The following LRMDA variants were observed in gnomAD, a reference collection of about 807,000 sequenced individuals.
LRMDA encodes the protein leucine-rich melanocyte differentiation-associated protein.
LRMDA carries 18 observed loss-of-function variants against 29.8 expected under a neutral mutation model. The ratio of observed to expected loss-of-function variants is 0.60; its 90% CI spans 0.42 to 0.90. LRMDA has a LOEUF of 0.90. LRMDA is among the 40% of genes least tolerant of loss of function. The pLI, the probability that LRMDA is intolerant of heterozygous loss-of-function variation, is 0.00. For synonymous variants in LRMDA, 125 were observed against 109.4 expected, an observed-to-expected ratio of 1.14 and a Z score of -0.89; for missense variants, 273 against 273.9, an observed-to-expected ratio of 1.00 and a Z score of 0.02.
chr10:75,495,238 CCTT>C (rs1485806215), intron 2 of LRMDA, among the ~76,000 whole-genome samples: 1 of 152,094 alleles, frequency 6.6e-6, no homozygotes, highest in Non-Finnish European at 1.5e-5. Flanking sequence ...CTTTCTGTCT[CCTT>C]CTCCCTCTCT....
chr10:75,709,388 CTGTGTGTGTGCA>C (rs1166875326), intron 2 of LRMDA, among the ~76,000 whole-genome samples: 5 of 150,324 alleles, frequency 3.3e-5, no homozygotes, highest in South Asian at 2.1e-4. Context: ...GTATGTGTGC[CTGTGTGTGTGCA>C]TGTGTGTGTG....
chr10:76,465,271 A>G (rs1842553137), intron 6 of LRMDA, among the ~76,000 whole-genome samples: 1 of 152,164 alleles, frequency 6.6e-6, no homozygotes, highest in African/African-American at 2.4e-5. Flanking sequence ...CAAGAAATAA[A>G]AGATTCATTA....
Position 75,431,731 on chromosome 10 carries a change from G to C in LRMDA, c.7G>C (p.Gly3Arg). The stretch of plus-strand genomic sequence containing the variant: ...CCGCAGCGTCCTGGCCGCCATGGCC[G>C]GGCTCGTGGTGCGTGGAACTCAAGT... MA[G>R]LVVRGTQVSY... The change falls in exon 1 of 7, where the codon GGG becomes CGG. Residue 3 changes from glycine (G) to arginine (R), a missense_variant. Physicochemically the swap from Gly to Arg is moderately radical, Grantham distance 125. Coordinates refer to ENST00000611255, the MANE Select transcript of LRMDA (RefSeq NM_001305581.2). 1 of 1,359,352 alleles carries C rather than the reference G, an allele frequency of 7.4e-7. No individual in the cohort carries two copies. The highest frequency in any genetic ancestry group is 9.5e-7 in the Non-Finnish European group (1 of 1,051,956). 84.2% of individuals were successfully genotyped at this position (1,359,352 alleles called of 1,614,324 possible).
chr10:75,491,575 AT>A (rs1844987813), intron 2 of LRMDA, among the ~76,000 whole-genome samples: 1 of 152,200 alleles, frequency 6.6e-6, no homozygotes, highest in Non-Finnish European at 1.5e-5. Context: ...CATAAAGAAA[AT>A]CACAAGGGCC....
At chr10:75,677,274 A>G (rs1439709918) in intron 2 of LRMDA, among the ~76,000 whole-genome samples, 3 of 152,218 alleles carry the variant, frequency 2.0e-5, no homozygotes, top group African/African-American at 4.8e-5. Flanking sequence ...GAGATATCCC[A>G]GAAGAGTTAC....
intron 2 of LRMDA, among the ~76,000 whole-genome samples, chr10:75,677,765 G>A (rs1485461615): frequency 1.3e-5 from 2 of 152,040 alleles, no homozygotes; most frequent in Non-Finnish European, 2.9e-5. Flanking sequence ...CTTATATTGA[G>A]GCCAACTATG....
chr10:75,747,454 A>G (rs1842903115), intron 2 of LRMDA, among the ~76,000 whole-genome samples: 1 of 152,238 alleles, frequency 6.6e-6, no homozygotes, highest in Non-Finnish European at 1.5e-5. Context: ...TAAAATTATA[A>G]TTTATGAAAT....
intron 2 of LRMDA, among the ~76,000 whole-genome samples, chr10:75,913,549 C>T (rs1233987998): frequency 6.6e-6 from 1 of 152,174 alleles, no homozygotes; most frequent in Non-Finnish European, 1.5e-5. Context: ...TCTCATAGGT[C>T]ATGCGCCCCG....
At chr10:75,826,998 C>T (rs1275910704) in intron 2 of LRMDA, among the ~76,000 whole-genome samples, 2 of 152,090 alleles carry the variant, frequency 1.3e-5, no homozygotes, top group Admixed American at 6.6e-5. Flanking sequence ...ATCATTTTTG[C>T]ATAAATCCGG....
Position 76,500,423 on chromosome 10 carries a change from C to A in LRMDA, c.602-56786C>A, listed in dbSNP as rs2132342014. Reference sequence around the variant, plus strand: ...AAAAACATAATAGTTTCATAATGGTCCATCTTGTGGTTAATACATACTGCC... The same window carrying A: ...AAAAACATAATAGTTTCATAATGGTACATCTTGTGGTTAATACATACTGCC... On this transcript the variant is annotated intron_variant, in intron 6 of 6. Transcript: ENST00000611255. Among the ~76,000 whole-genome samples the A allele has an allele frequency of 2.6e-5, 2 of 75,650 alleles. 1 individual carries two copies. Among genetic ancestry groups the A allele is most frequent in the Admixed American group, 2.5e-4 (2 of 8,150 alleles). 49.6% of individuals were successfully genotyped at this position (75,650 alleles called of 152,430 possible).
chr10:76,436,010 T>C (rs928881781), intron 6 of LRMDA, among the ~76,000 whole-genome samples: 1 of 152,240 alleles, frequency 6.6e-6, no homozygotes, highest in South Asian at 2.1e-4. Flanking sequence ...GTTTTTACTT[T>C]AAATCTGTTG....
chr10:75,494,074 T>C (rs1845018704), intron 2 of LRMDA, among the ~76,000 whole-genome samples: 1 of 152,186 alleles, frequency 6.6e-6, no homozygotes, highest in South Asian at 2.1e-4. Context: ...GTTTAAAGCA[T>C]CAATTCTCTC....
chr10:76,428,065 CTT>C (rs979154405), intron 6 of LRMDA, among the ~76,000 whole-genome samples: 7 of 151,130 alleles, frequency 4.6e-5, no homozygotes. Flanking sequence ...CTAAAATTCT[CTT>C]TTTTTTTGTT....
At chr10:75,446,838 G>A (rs958991550) in intron 2 of LRMDA, among the ~76,000 whole-genome samples, 1 of 152,202 alleles carries the variant, frequency 6.6e-6, no homozygotes, top group Non-Finnish European at 1.5e-5. Context: ...AGTGGGATTG[G>A]GGAGAGAAAA....
At chr10:75,698,955 C>T (rs1842272334) in intron 2 of LRMDA, among the ~76,000 whole-genome samples, 1 of 152,106 alleles carries the variant, frequency 6.6e-6, no homozygotes, top group Non-Finnish European at 1.5e-5. Flanking sequence ...AATCCCAGCA[C>T]TTTGGGAGGC....
chr10:75,785,052 T>A (rs148485007), intron 2 of LRMDA, among the ~76,000 whole-genome samples: 1 of 152,202 alleles, frequency 6.6e-6, no homozygotes, highest in Non-Finnish European at 1.5e-5. Context: ...GCGTGTGGCA[T>A]GGACGCGCAG....
chr10:75,524,382 T>A (rs896080126), intron 2 of LRMDA, among the ~76,000 whole-genome samples: 2 of 152,136 alleles, frequency 1.3e-5, no homozygotes, highest in African/African-American at 2.4e-5. Context: ...CTTCTCTGGG[T>A]CTTGGGGTTA....
rs1488151168 is a variant in LRMDA, at chr10:75,589,785, G to T, written c.131+151291G>T. ...AAAAAAATATATATATATAGAGAGA[G>T]AGAGAGAGTTTTTGGAGCTCTTTGT... On this transcript the variant is annotated intron_variant, in intron 2 of 6. Coordinates refer to ENST00000611255, the MANE Select transcript of LRMDA (RefSeq NM_001305581.2). 2.6e-3 allele frequency among the ~76,000 whole-genome samples: 337 copies of T among 127,764 alleles called. 2 individuals carry two copies. The highest frequency in any genetic ancestry group is 3.8e-3 in the Non-Finnish European group (211 of 55,256). The allele number at this position is 127,764 out of a possible 152,430, so 83.8% of individuals were successfully genotyped here.
chr10:75,935,168 C>T (rs979377485), intron 2 of LRMDA, among the ~76,000 whole-genome samples: 9 of 152,196 alleles, frequency 5.9e-5, no homozygotes, highest in Middle Eastern at 3.2e-3. Flanking sequence ...ACTCTCTCCC[C>T]ACAAATTCCC....
Sources: allele counts gnomAD v4.1 joint callset (sites outside exome capture counted in the v4.1 genomes callset), GRCh38; gene constraint gnomAD v4.1.1; transcripts MANE v1.5; gene names NCBI Gene and HGNC (gene_info 2026-07-23, HGNC 2026-07-21).